The following CXCL1 variants were observed in gnomAD, a reference collection of about 807,000 sequenced individuals.
CXCL1 encodes growth-regulated alpha protein.
In CXCL1, 9 loss-of-function variants were observed where a neutral mutation model predicts 11.7. The ratio of observed to expected loss-of-function variants is 0.77; its 90% CI spans 0.46 to 1.34. CXCL1 has a LOEUF of 1.34. CXCL1 is among the 40% of genes most tolerant of loss of function. CXCL1 has a pLI of 0.00. For synonymous variants in CXCL1, 78 were observed against 59.1 expected (o/e 1.32, Z -1.47); for missense variants, 146 against 138.1 (o/e 1.06, Z -0.29).
In CXCL1 at chr4:73,869,823, C is replaced by G. The variant is rs201503086; in HGVS notation, c.224+31C>G. 5.0e-6 allele frequency: 8 copies of G among 1,613,626 alleles called. No homozygotes were observed. The Admixed American group carries it at 1.0e-4, about 20-fold the overall frequency. ...TCCCGCCCCGCGCTGCCTCTGCCAC[C>G]GCCGGGGTCCCAGACCCTCCTGCTG... On this transcript the variant is annotated intron_variant, in intron 2 of 3. Transcript: ENST00000395761.
At chr4:73,869,820 C>G in intron 2 of CXCL1, 28 bp downstream of exon 2, 1 of 1,613,682 alleles carries the variant, frequency 6.2e-7, no homozygotes, top group South Asian at 1.1e-5. Flanking sequence ...CTGCCTCTGC[C>G]ACCGCCGGGG....
rs1384242833 is a variant in CXCL1 at position 73,869,908 on chromosome 4, C to T, written c.227C>T (p.Ala76Val). ...GPHCAQTEVIATLKNGRKACL... is the reference protein window; with the variant it reads ...GPHCAQTEVIVTLKNGRKACL... ...ACGAGATTCCCTTCCCTCTGCAGAG[C>T]CACACTCAAGAATGGGCGGAAAGCT... The change falls in exon 3 of 4, where the codon GCC becomes GTC. Residue 76 changes from alanine to valine, a missense_variant and splice_region_variant. Ala to Val is a moderately conservative substitution (Grantham distance 64). Coordinates refer to ENST00000395761, the MANE Select transcript of CXCL1 (RefSeq NM_001511.4). The T allele has an allele frequency of 6.2e-7, 1 of 1,614,188 alleles. No homozygotes were observed. The highest frequency in any genetic ancestry group is 1.7e-5 in the Admixed American group (1 of 60,024).
intron 1 of CXCL1, 34 bp downstream of exon 1, chr4:73,869,604 A>G (rs2109770364): frequency 6.2e-7 from 1 of 1,612,902 alleles, no homozygotes; most frequent in Non-Finnish European, 8.5e-7. Context: ...CCCGGGCCGG[A>G]CGCGGCTGGG....
chr4:73,869,435 T>A lies in CXCL1; in HGVS notation c.-36T>A. On this transcript the variant is annotated 5_prime_UTR_variant, in exon 1 of 4. Coordinates refer to ENST00000395761, the MANE Select transcript of CXCL1 (RefSeq NM_001511.4). ...GGCACCTCCTCGCCAGCTCTTCCGC[T>A]CCTCTCACAGCCGCCAGACCCGCCT... is the stretch of plus-strand genomic sequence containing the variant. 6.5e-7 allele frequency: 1 copy of A among 1,540,400 alleles called. No homozygotes were observed. Among genetic ancestry groups the A allele is most frequent in the Non-Finnish European group, 8.7e-7 (1 of 1,145,920 alleles).
chr4:73,871,007 A>G lies in CXCL1; in HGVS notation c.*471A>G, dbSNP rs1731941068. 1 of 155,364 alleles carries G rather than the reference A, an allele frequency of 6.4e-6. No individual in the cohort carries two copies. The highest frequency in any genetic ancestry group is 1.4e-5 in the Non-Finnish European group (1 of 69,806). 9.6% of individuals were successfully genotyped at this position (155,364 alleles called of 1,614,324 possible). ...GTGCACATCTGTTTTGTAACTGTTT[A>G]GATGAATGTCAGTTGTTATTTATTG... On this transcript the variant is annotated 3_prime_UTR_variant, in exon 4 of 4. Coordinates refer to ENST00000395761, the MANE Select transcript of CXCL1 (RefSeq NM_001511.4).
In CXCL1 at chr4:73,870,550, G is replaced by A. The variant is rs568899629; in HGVS notation, c.*14G>A. 6.6e-5 allele frequency: 106 copies of A among 1,613,840 alleles called. 1 individual carries two copies. Among genetic ancestry groups the A allele is most frequent in the South Asian group, 3.4e-4 (31 of 91,066 alleles). On this transcript the variant is annotated 3_prime_UTR_variant, in exon 4 of 4. Coordinates refer to ENST00000395761, the MANE Select transcript of CXCL1 (RefSeq NM_001511.4). ...AAATCCAACTGACCAGAAGGGAGGA[G>A]GAAGCTCACTGGTGGCTGTTCCTGA...
rs1717053313 is a variant in CXCL1 at position 73,869,769 on chromosome 4, C to T, written c.201C>T (p.Pro67=). The T allele has an allele frequency of 6.2e-7, 1 of 1,613,890 alleles. No individual in the cohort carries two copies. The highest frequency in any genetic ancestry group is 8.5e-7 in the Non-Finnish European group (1 of 1,179,960). The change falls in exon 2 of 4, where the codon CCC becomes CCT. Residue 67 remains proline, a synonymous_variant. Transcript: ENST00000395761. ...GTGTGAACGTGAAGTCCCCCGGACC[C>T]CACTGCGCCCAAACCGAAGTCATGT... is the stretch of plus-strand genomic sequence containing the variant. The part of the protein sequence containing the change: ...IQSVNVKSPG[P]HCAQTEVIAT...
In CXCL1 at chr4:73,869,674, T is replaced by C. The variant is rs374657089; in HGVS notation, c.106T>C (p.Ser36Pro). ...GTGAGTCTCTTCTTCCCTAGGAGCG[T>C]CCGTGGCCACTGAACTGCGCTGCCA... ...VAAGRRAAGA[S>P]VATELRCQCL... The change falls in exon 2 of 4, where the codon TCC becomes CCC. Residue 36 changes from serine to proline, a missense_variant. Ser to Pro is a moderately conservative substitution (Grantham distance 74). Coordinates refer to ENST00000395761, the MANE Select transcript of CXCL1 (RefSeq NM_001511.4). 2.8e-5 allele frequency: 45 copies of C among 1,614,046 alleles called. No individual in the cohort carries two copies. The highest frequency in any genetic ancestry group is 3.3e-5 in the Admixed American group (2 of 60,012).
intron 1 of CXCL1, 26 bp downstream of exon 1, chr4:73,869,596 C>G: frequency 6.2e-7 from 1 of 1,612,792 alleles, no homozygotes; most frequent in Non-Finnish European, 8.5e-7. Context: ...CTGGGGTCCC[C>G]GGGCCGGACG....
chr4:73,869,416 T>A lies in CXCL1; in HGVS notation c.-55T>A. On this transcript the variant is annotated 5_prime_UTR_variant, in exon 1 of 4. Transcript: ENST00000395761. The stretch of plus-strand genomic sequence containing the variant: ...CCACAGAGCCCGGGCCGCAGGCACC[T>A]CCTCGCCAGCTCTTCCGCTCCTCTC... 5.9e-6 allele frequency: 9 copies of A among 1,529,820 alleles called. No homozygotes were observed. Among genetic ancestry groups the A allele is most frequent in the Non-Finnish European group, 7.9e-6 (9 of 1,139,444 alleles). The allele number at this position is 1,529,820 out of a possible 1,614,324, so 94.8% of individuals were successfully genotyped here. A position where few individuals can be genotyped will look rare whatever the true frequency, so the allele number is the denominator to read the frequency against.
Position 73,870,517 on chromosome 4 carries a change from G to T in CXCL1, c.309-4G>T, listed in dbSNP as rs1258495748. 1.2e-6 allele frequency: 2 copies of T among 1,613,724 alleles called. No individual in the cohort carries two copies. The highest frequency in any genetic ancestry group is 4.5e-5 in the East Asian group (2 of 44,880). ...TACTCAGGGCACCCATTTTCTCATTGCAGTGACAAATCCAACTGACCAGAA... is the reference window on the plus strand; with the variant it reads ...TACTCAGGGCACCCATTTTCTCATTTCAGTGACAAATCCAACTGACCAGAA... On this transcript the variant is annotated splice_region_variant and splice_polypyrimidine_tract_variant and intron_variant, in intron 3 of 3. Transcript: ENST00000395761.
In CXCL1 at chr4:73,871,170, T is replaced by C. The variant is rs1438204714; in HGVS notation, c.*634T>C. ...TTTAATGGTAGTTTTACAGTGTTTC[T>C]GGCTTAGAACAAAGGGGCTTAATTA... On this transcript the variant is annotated 3_prime_UTR_variant, in exon 4 of 4. Coordinates refer to ENST00000395761, the MANE Select transcript of CXCL1 (RefSeq NM_001511.4). The C allele has an allele frequency of 6.6e-6, 1 of 152,264 alleles. No homozygotes were observed. The highest frequency in any genetic ancestry group is 1.5e-5 in the Non-Finnish European group (1 of 68,070). The allele number at this position is 152,264 out of a possible 1,614,324, so 9.4% of individuals were successfully genotyped here.
chr4:73,871,001 CT>C lies in CXCL1; in HGVS notation c.*466del, dbSNP rs1017596481. The C allele has an allele frequency of 6.4e-6, 1 of 155,278 alleles. No individual in the cohort carries two copies. The highest frequency in any genetic ancestry group is 1.4e-5 in the Non-Finnish European group (1 of 70,472). 9.6% of individuals were successfully genotyped at this position (155,278 alleles called of 1,614,324 possible). ...ATGTATGTGCACATCTGTTTTGTAACTGTTTAGATGAATGTCAGTTGTTATT... is the reference window on the plus strand; with the variant it reads ...ATGTATGTGCACATCTGTTTTGTAACGTTTAGATGAATGTCAGTTGTTATT... On this transcript the variant is annotated 3_prime_UTR_variant, in exon 4 of 4. Coordinates refer to ENST00000395761, the MANE Select transcript of CXCL1 (RefSeq NM_001511.4).
chr4:73,870,568 G>A lies in CXCL1; in HGVS notation c.*32G>A, dbSNP rs369856007. The A allele has an allele frequency of 4.3e-6, 7 of 1,613,366 alleles. No individual in the cohort carries two copies. In the African/African-American group the frequency reaches 9.3e-5, roughly 22 times the overall value. ...GGGAGGAGGAAGCTCACTGGTGGCT[G>A]TTCCTGAAGGAGGCCCTGCCCTTAT... On this transcript the variant is annotated 3_prime_UTR_variant, in exon 4 of 4. Coordinates refer to ENST00000395761, the MANE Select transcript of CXCL1 (RefSeq NM_001511.4).
rs200517725 is a variant in CXCL1, at chr4:73,869,998, T to C, written c.308+9T>C. The C allele has an allele frequency of 4.2e-5, 67 of 1,613,736 alleles. No homozygotes were observed. The highest frequency in any genetic ancestry group is 5.2e-5 in the Non-Finnish European group (61 of 1,179,750). ...GAAAAGATGCTGAACAGGTGAGTTA[T>C]GGTTTCCATGTACACAGGCGACTGG... On this transcript the variant is annotated intron_variant, in intron 3 of 3. Transcript: ENST00000395761.
rs1231766977 is a variant in CXCL1, at chr4:73,870,977, TGTATG to T, written c.*442_*446del. The T allele has an allele frequency of 0.019, 3,099 of 163,206 alleles. 78 individuals are homozygous for T. The highest frequency in any genetic ancestry group is 0.058 in the African/African-American group (2,425 of 41,636). 10.1% of individuals were successfully genotyped at this position (163,206 alleles called of 1,614,324 possible). On this transcript the variant is annotated 3_prime_UTR_variant, in exon 4 of 4. Coordinates refer to ENST00000395761, the MANE Select transcript of CXCL1 (RefSeq NM_001511.4). Reference sequence around the variant, plus strand: ...TGAGATCATTGTGAAGGCAGGGGAATGTATGTGCACATCTGTTTTGTAACTGTTTA... The same window carrying T: ...TGAGATCATTGTGAAGGCAGGGGAATTGCACATCTGTTTTGTAACTGTTTA...
rs762980706 is a variant in CXCL1, at chr4:73,869,985, A to G, written c.304A>G (p.Asn102Asp). 42 of 1,614,024 alleles carry G rather than the reference A, an allele frequency of 2.6e-5. No homozygotes were observed. The highest frequency in any genetic ancestry group is 3.2e-5 in the Non-Finnish European group (38 of 1,179,994). Reference protein sequence around the residue: ...IVKKIIEKMLNSDKSN With the variant: ...IVKKIIEKMLDSDKSN ...TAAGAAAATCATCGAAAAGATGCTGAACAGGTGAGTTATGGTTTCCATGTA... is the reference window on the plus strand; with the variant it reads ...TAAGAAAATCATCGAAAAGATGCTGGACAGGTGAGTTATGGTTTCCATGTA... Residue 102 changes from asparagine to aspartate, a missense_variant, in exon 3 of 4, where the codon AAC (asparagine) becomes GAC (aspartate). Asn to Asp is a conservative substitution (Grantham distance 23, BLOSUM62 1). Transcript: ENST00000395761.
At chr4:73,870,155 T>C (rs1731915065) in intron 3 of CXCL1, 166 bp downstream of exon 3, 1 of 737,262 alleles carries the variant, frequency 1.4e-6, no homozygotes, top group South Asian at 1.8e-5. Flanking sequence ...ATTACTGCTC[T>C]GGTGCCAGAG....
Position 73,869,949 on chromosome 4 carries a change from T to A in CXCL1, c.268T>A (p.Ser90Thr), listed in dbSNP as rs771347748. 1.2e-6 allele frequency: 2 copies of A among 1,614,060 alleles called. No individual in the cohort carries two copies. Among genetic ancestry groups the A allele is most frequent in the Admixed American group, 3.3e-5 (2 of 60,006 alleles). The change falls in exon 3 of 4, where the codon TCC becomes ACC. Residue 90 changes from serine to threonine, a missense_variant. Ser to Thr is a moderately conservative substitution (Grantham distance 58, BLOSUM62 1). Transcript: ENST00000395761. ...GCGGAAAGCTTGCCTCAATCCTGCA[T>A]CCCCCATAGTTAAGAAAATCATCGA... ...NGRKACLNPA[S>T]PIVKKIIEKM...
Sources: gnomAD v4.1 joint callset for allele counts on GRCh38, gnomAD v4.1.1 for gene constraint, MANE v1.5 for transcripts, NCBI Gene and HGNC (gene_info 2026-07-23, HGNC 2026-07-21) for gene names.